DNAH12: variants seen among roughly 807,000 people sequenced by gnomAD.
DNAH12 encodes the protein axonemal beta dynein heavy chain 12.
DNAH12 carries 285 observed loss-of-function variants against 371.5 expected under a neutral mutation model. The ratio of observed to expected loss-of-function variants is 0.77; its 90% CI spans 0.70 to 0.85. The LOEUF (loss-of-function observed/expected upper bound fraction) is 0.85. Ranked by LOEUF, DNAH12 falls within the 40% of genes least tolerant of loss-of-function variation. The pLI is 0.00. For synonymous variants in DNAH12, 1,200 were observed against 1,213.0 expected (o/e 0.99, Z 0.22); for missense variants, 3,611 against 3,689.4 (o/e 0.98, Z 0.55).
chr3:57,505,633 G>A (rs1277849966), intron 8 of DNAH12, among the ~76,000 whole-genome samples: 3 of 151,924 alleles, frequency 2.0e-5, no homozygotes, highest in Admixed American at 6.6e-5. Context: ...TAGAGACAGG[G>A]TTTCACCATG....
chr3:57,399,283 C>G (rs1460789164), intron 43 of DNAH12, among the ~76,000 whole-genome samples: 2 of 151,906 alleles, frequency 1.3e-5, no homozygotes, highest in Non-Finnish European at 2.9e-5. Flanking sequence ...CTACAAGACA[C>G]ACAGAAAACA....
rs982816280 is a variant in DNAH12, at chr3:57,338,928, G to A, written c.9675-3988C>T. On this transcript the variant is annotated intron_variant, in intron 60 of 73. Coordinates refer to ENST00000495027, the MANE Select transcript of DNAH12 (RefSeq NM_001366028.2). ...CCATGGTGACGATGGCGGTTTTGTC[G>A]AAAAGAAAAGGGGGAAATGTAGGGA... Among the ~76,000 whole-genome samples, 117 of 152,318 alleles carry A rather than the reference G, an allele frequency of 7.7e-4. 1 individual carries two copies. The highest frequency in any genetic ancestry group is 2.8e-3 in the African/African-American group (115 of 41,560).
Position 57,429,705 on chromosome 3 carries a change from G to C in DNAH12, c.5050C>G (p.Leu1684Val). 1 of 1,536,112 alleles carries C rather than the reference G, an allele frequency of 6.5e-7. No homozygotes were observed. Among genetic ancestry groups the C allele is most frequent in the African/African-American group, 1.4e-5 (1 of 72,308 alleles). Residue 1684 changes from leucine (L) to valine (V), a missense_variant, in exon 33 of 74, where the codon CTT (leucine) becomes GTT (valine). Physicochemically the swap from Leu to Val is conservative, Grantham distance 32 (BLOSUM62 1). Coordinates refer to ENST00000495027, the MANE Select transcript of DNAH12 (RefSeq NM_001366028.2). ...QMSLIFETMD[L>V]SQASPATVSR... is the part of the protein sequence containing the mutation. ...TATGAACTTACGGATGCCTGGGAAA[G>C]GTCCATTGTTTCAAAGATGAGGCTC... is the stretch of plus-strand genomic sequence containing the variant.
intron 12 of DNAH12, among the ~76,000 whole-genome samples, chr3:57,486,521 A>T (rs928654429): frequency 2.0e-5 from 3 of 152,158 alleles, no homozygotes; most frequent in Non-Finnish European, 4.4e-5. Flanking sequence ...ATGATTTTTT[A>T]GTTCATGCAG....
intron 70 of DNAH12, among the ~76,000 whole-genome samples, chr3:57,299,489 C>T (rs1371729070): frequency 6.9e-6 from 1 of 144,676 alleles, no homozygotes; most frequent in Non-Finnish European, 1.5e-5. Flanking sequence ...AGGCAGTGTG[C>T]AAAAAGTTTT....
intron 62 of DNAH12, among the ~76,000 whole-genome samples, chr3:57,326,940 A>G (rs2061962797): frequency 6.6e-6 from 1 of 152,338 alleles, no homozygotes; most frequent in South Asian, 2.1e-4. Context: ...CTTTAAACCA[A>G]CAAAGATCAA....
In DNAH12 at chr3:57,509,170, T is replaced by C; in HGVS notation, c.512A>G (p.Asp171Gly). 1 of 1,613,868 alleles carries C rather than the reference T, an allele frequency of 6.2e-7. No individual in the cohort carries two copies. Among genetic ancestry groups the C allele is most frequent in the East Asian group, 2.2e-5 (1 of 44,844 alleles). The change falls in exon 6 of 74, where the codon GAT becomes GGT. Residue 171 changes from aspartate (D) to glycine (G), a missense_variant. Asp to Gly is a moderately conservative substitution (Grantham distance 94, BLOSUM62 -1). Coordinates refer to ENST00000495027, the MANE Select transcript of DNAH12 (RefSeq NM_001366028.2). The part of the protein sequence containing the change: ...LVKPPVKSLE[D>G]EGGPLPESPV... The stretch of plus-strand genomic sequence containing the variant: ...AGATTCAGGTAAAGGACCTCCTTCA[T>C]CTTCAAGCGATTTAACTGGTGGTTT...
intron 8 of DNAH12, among the ~76,000 whole-genome samples, chr3:57,504,901 T>G (rs934523163): frequency 2.6e-5 from 4 of 152,162 alleles, no homozygotes; most frequent in Admixed American, 6.5e-5. Flanking sequence ...TTTGTTTTGT[T>G]TGCTTTTTGT....
At chr3:57,316,577 G>A (rs1430819522) in intron 65 of DNAH12, among the ~76,000 whole-genome samples, 2 of 151,982 alleles carry the variant, frequency 1.3e-5, no homozygotes, top group Admixed American at 6.6e-5. Flanking sequence ...GACTGATATC[G>A]TTTGGCTCTG....
chr3:57,334,008 A>C (rs1204415465), intron 62 of DNAH12, among the ~76,000 whole-genome samples: 3 of 133,544 alleles, frequency 2.2e-5, no homozygotes, highest in Non-Finnish European at 4.7e-5. Context: ...ATACACAAAA[A>C]GAACCAAACA....
intron 13 of DNAH12, among the ~76,000 whole-genome samples, chr3:57,477,324 T>C (rs1318689980): frequency 6.6e-6 from 1 of 152,048 alleles, no homozygotes; most frequent in Non-Finnish European, 1.5e-5. Flanking sequence ...GCCTCACTCA[T>C]TGCTAGCACA....
intron 8 of DNAH12, 130 bp downstream of exon 8, chr3:57,507,513 A>G: frequency 1.4e-6 from 1 of 697,238 alleles, no homozygotes. Flanking sequence ...TAAAATTATT[A>G]AAATAAAATT....
intron 16 of DNAH12, 27 bp downstream of exon 16, chr3:57,470,416 G>T: frequency 2.0e-6 from 3 of 1,478,100 alleles, no homozygotes; most frequent in South Asian, 2.8e-5. Context: ...TCATTTGCTT[G>T]ATTTTTATTA....
Position 57,314,573 on chromosome 3 carries a change from T to C in DNAH12, c.10583A>G (p.Lys3528Arg), listed in dbSNP as rs751190724. Reference sequence around the variant, plus strand: ...ATTCCAACCAAGAGGACCAAATTTCTTTCTCTCTTGCACAAGGGCATGAAA... The same window carrying C: ...ATTCCAACCAAGAGGACCAAATTTCCTTCTCTCTTGCACAAGGGCATGAAA... ...CFFHALVQERKKFGPLGWNIP... is the reference protein window; with the variant it reads ...CFFHALVQERRKFGPLGWNIP... Residue 3528 changes from lysine (K) to arginine (R), a missense_variant, in exon 66 of 74, where the codon AAG (lysine) becomes AGG (arginine). Physicochemically the swap from Lys to Arg is conservative, Grantham distance 26. Transcript: ENST00000495027. The C allele has an allele frequency of 1.9e-5, 29 of 1,551,446 alleles. No homozygotes were observed. The highest frequency in any genetic ancestry group is 4.1e-5 in the African/African-American group (3 of 73,144).
At chr3:57,409,217 C>T (rs1024031919) in intron 39 of DNAH12, among the ~76,000 whole-genome samples, 1 of 152,114 alleles carries the variant, frequency 6.6e-6, no homozygotes, top group Non-Finnish European at 1.5e-5. Context: ...TTGCTATTGT[C>T]AATAAGCCAT....
At chr3:57,295,978 CA>C (rs1254923853) in intron 72 of DNAH12, among the ~76,000 whole-genome samples, 1 of 152,076 alleles carries the variant, frequency 6.6e-6, no homozygotes, top group Non-Finnish European at 1.5e-5. Context: ...CATCAAAATG[CA>C]AGAAAAGGTT....
chr3:57,480,442 CA>C (rs879456880), intron 13 of DNAH12, among the ~76,000 whole-genome samples: 3 of 151,322 alleles, frequency 2.0e-5, no homozygotes, highest in African/African-American at 7.3e-5. Context: ...GCTTACCAAC[CA>C]AAAAAAGTCC....
intron 60 of DNAH12, among the ~76,000 whole-genome samples, chr3:57,338,246 G>C (rs527855244): frequency 1.3e-5 from 2 of 152,150 alleles, no homozygotes; most frequent in Non-Finnish European, 2.9e-5. Context: ...TCCTGACCTC[G>C]AGTGATCTGC....
At position 57,352,217 on chromosome 3, in the gene DNAH12, G is replaced by T; in HGVS notation, c.9542C>A (p.Ser3181Tyr). ...YINSIHDSNKSKILEKRLRYL... is the reference protein window; with the variant it reads ...YINSIHDSNKYKILEKRLRYL... ...TCGTAGGCGCTTTTCCAAAATCTTGGATTTGTTACTAAAGTTAAAAAGAAG... is the reference window on the plus strand; with the variant it reads ...TCGTAGGCGCTTTTCCAAAATCTTGTATTTGTTACTAAAGTTAAAAAGAAG... Residue 3181 changes from serine to tyrosine, a missense_variant, in exon 60 of 74, where the codon TCC becomes TAC. Coordinates refer to ENST00000495027, the MANE Select transcript of DNAH12 (RefSeq NM_001366028.2). 2.6e-6 allele frequency: 4 copies of T among 1,529,482 alleles called. No individual in the cohort carries two copies. Among genetic ancestry groups the T allele is most frequent in the South Asian group, 2.6e-5 (2 of 77,866 alleles). 94.7% of individuals were successfully genotyped at this position (1,529,482 alleles called of 1,614,324 possible).
Sources: gnomAD v4.1 joint callset for allele counts (sites outside exome capture counted in the v4.1 genomes callset) on GRCh38, gnomAD v4.1.1 for gene constraint, MANE v1.5 for transcripts, NCBI Gene and HGNC (gene_info 2026-07-23, HGNC 2026-07-21) for gene names.